The following SLC35F4 variants were observed in gnomAD, a reference collection of about 807,000 sequenced individuals.
SLC35F4 encodes solute carrier family 35 member F4.
In SLC35F4, 24 loss-of-function variants were observed where a neutral mutation model predicts 44.2. The observed-to-expected ratio is 0.54, with a 90% CI of 0.39 to 0.76. The LOEUF (loss-of-function observed/expected upper bound fraction) is 0.76, where lower values mean the gene tolerates loss of function less well. Among genes scored for constraint, SLC35F4 ranks in the 30% least tolerant of loss-of-function variants. The probability of loss-of-function intolerance (pLI) is 0.00; values close to 1 mark genes in which losing one functional copy is unlikely to be tolerated. For missense variants in SLC35F4, 562 were observed against 586.1 expected, an observed-to-expected ratio of 0.96 and a Z score of 0.42; for synonymous variants, 238 against 223.6, an observed-to-expected ratio of 1.06 and a Z score of -0.57.
intron 1 of SLC35F4, among the ~76,000 whole-genome samples, chr14:57,629,127 C>T (rs1271240275): frequency 6.6e-6 from 1 of 152,138 alleles, no homozygotes; most frequent in Non-Finnish European, 1.5e-5. Context: ...GTCTTGTTCT[C>T]AGTGCTTCCT....
At chr14:57,781,342 A>G (rs1329322928) in intron 1 of SLC35F4, among the ~76,000 whole-genome samples, 2 of 152,250 alleles carry the variant, frequency 1.3e-5, no homozygotes, top group Non-Finnish European at 1.5e-5. Flanking sequence ...CATTAGAGAA[A>G]TGCAAATCAA....
intron 1 of SLC35F4, among the ~76,000 whole-genome samples, chr14:57,721,420 T>G (rs983773792): frequency 6.6e-6 from 1 of 152,122 alleles, no homozygotes; most frequent in Non-Finnish European, 1.5e-5. Flanking sequence ...GACAAAGTGA[T>G]GGAAGAAAAT....
intron 1 of SLC35F4, among the ~76,000 whole-genome samples, chr14:57,889,957 T>C (rs1163199254): frequency 1.3e-5 from 2 of 152,146 alleles, no homozygotes; most frequent in African/African-American, 4.8e-5. Flanking sequence ...CCTTGTAAAG[T>C]TTGTAGTCTA....
At chr14:57,797,185 C>T (rs2078072841) in intron 1 of SLC35F4, among the ~76,000 whole-genome samples, 2 of 152,164 alleles carry the variant, frequency 1.3e-5, no homozygotes, top group African/African-American at 4.8e-5. Context: ...GAATCTTATC[C>T]ATAGTCTAGC....
At chr14:57,881,785 G>GT (rs34965982) in intron 1 of SLC35F4, among the ~76,000 whole-genome samples, 2 of 152,048 alleles carry the variant, frequency 1.3e-5, no homozygotes, top group South Asian at 2.1e-4. Flanking sequence ...TAGATTTGGG[G>GT]TTTTTTTAAA....
chr14:57,693,952 C>T (rs1014575374), intron 1 of SLC35F4, among the ~76,000 whole-genome samples: 1 of 152,154 alleles, frequency 6.6e-6, no homozygotes, highest in African/African-American at 2.4e-5. Context: ...AACCTAGTGT[C>T]AAACTTCAGA....
At chr14:57,957,413 C>A (rs1331468754) in intron 1 of SLC35F4, among the ~76,000 whole-genome samples, 1 of 142,966 alleles carries the variant, frequency 7.0e-6, no homozygotes, top group East Asian at 2.2e-4. Context: ...GTTCTGCACA[C>A]GTACCCCAGA....
chr14:57,597,061 G>A, intron 1 of SLC35F4, among the ~76,000 whole-genome samples: 1 of 152,166 alleles, frequency 6.6e-6, no homozygotes, highest in East Asian at 1.9e-4. Flanking sequence ...TAATCTAAAG[G>A]CAACCCTGAC....
chr14:57,936,873 A>G (rs1467291086), intron 1 of SLC35F4, among the ~76,000 whole-genome samples: 2 of 152,154 alleles, frequency 1.3e-5, no homozygotes, highest in Non-Finnish European at 2.9e-5. Flanking sequence ...AAGGGCTGTA[A>G]GCCAACACAT....
chr14:57,663,860 C>T (rs7154263), intron 1 of SLC35F4, among the ~76,000 whole-genome samples: 30,862 of 152,044 alleles, frequency 0.2, 3,344 homozygotes, highest in African/African-American at 0.25. Flanking sequence ...AAAGAGATTG[C>T]AAATTGGCAG....
intron 1 of SLC35F4, among the ~76,000 whole-genome samples, chr14:57,849,931 T>C (rs1282651894): frequency 6.6e-6 from 1 of 152,186 alleles, no homozygotes; most frequent in Non-Finnish European, 1.5e-5. Flanking sequence ...TACGTCTTGG[T>C]AAAGGATACA....
At chr14:57,970,233 A>G (rs1293841342) in intron 1 of SLC35F4, among the ~76,000 whole-genome samples, 3 of 152,264 alleles carry the variant, frequency 2.0e-5, no homozygotes, top group Non-Finnish European at 4.4e-5. Context: ...GTCCACCTGC[A>G]AAATGGGAGC....
chr14:57,639,053 T>C (rs771573860), intron 1 of SLC35F4, among the ~76,000 whole-genome samples: 10 of 152,136 alleles, frequency 6.6e-5, no homozygotes, highest in Non-Finnish European at 1.3e-4. Context: ...TAGGAGTCTG[T>C]TACCTGTAAG....
At chr14:57,605,971 A>G (rs1321909915) in intron 1 of SLC35F4, among the ~76,000 whole-genome samples, 1 of 152,150 alleles carries the variant, frequency 6.6e-6, no homozygotes, top group African/African-American at 2.4e-5. Context: ...AGGGGGAAGG[A>G]TGGGAGGGTG....
intron 1 of SLC35F4, among the ~76,000 whole-genome samples, chr14:57,671,560 G>T (rs991661770): frequency 2.0e-5 from 3 of 151,948 alleles, no homozygotes; most frequent in Non-Finnish European, 4.4e-5. Flanking sequence ...GAGCCCTTGG[G>T]CCCCAAATAA....
At chr14:57,582,197 A>C (rs902589568) in intron 3 of SLC35F4, among the ~76,000 whole-genome samples, 11 of 137,092 alleles carry the variant, frequency 8.0e-5, no homozygotes, top group African/African-American at 3.0e-4. Flanking sequence ...CCTAGGCCTA[A>C]ACATGATTTT....
Position 57,937,586 on chromosome 14 carries a change from G to GAAAGAAAAGAAAAGA in SLC35F4, n.282+44312_282+44326dup, listed in dbSNP as rs67004414. Among the ~76,000 whole-genome samples, 220 of 114,062 alleles carry GAAAGAAAAGAAAAGA rather than the reference G, an allele frequency of 1.9e-3. 1 individual carries two copies. The highest frequency in any genetic ancestry group is 4.3e-3 in the Middle Eastern group (1 of 230). The allele number at this position is 114,062 out of a possible 152,430, so 74.8% of individuals were successfully genotyped here. ...AAAGAAAAGAAAAGAGAAAAGAAAA[G>GAAAGAAAAGAAAAGA]AAAGAAAAGAAAAGAAAAGAAAAGA... is the stretch of plus-strand genomic sequence containing the variant. On this transcript the variant is annotated intron_variant and non_coding_transcript_variant, in intron 1 of 1. Coordinates refer to the SLC35F4 transcript ENST00000556568.
At chr14:57,798,041 C>A (rs954693966) in intron 1 of SLC35F4, among the ~76,000 whole-genome samples, 1 of 142,936 alleles carries the variant, frequency 7.0e-6, no homozygotes. Context: ...ACCCATGAAG[C>A]AGTCTTGAAC....
rs146672249 is a variant in SLC35F4, at chr14:57,934,676, G to C, written n.282+47237C>G. On this transcript the variant is annotated intron_variant and non_coding_transcript_variant, in intron 1 of 1. Transcript: ENST00000556568. ...GCTTGTACACAGCTATTAAATGGTT[G>C]TTGTCCCCTAATGAAGCCAGGTCCT... Among the ~76,000 whole-genome samples the C allele has an allele frequency of 7.9e-5, 12 of 152,144 alleles. No individual in the cohort carries two copies. The East Asian group carries it at 2.3e-3, about 30-fold the overall frequency.
Sources: gnomAD v4.1 joint callset for allele counts (sites outside exome capture counted in the v4.1 genomes callset) on GRCh38, gnomAD v4.1.1 for gene constraint, MANE v1.5 for transcripts, NCBI Gene and HGNC (gene_info 2026-07-23, HGNC 2026-07-21) for gene names.